The following GRXCR1 variants were observed in gnomAD, a reference collection of about 807,000 sequenced individuals.
The protein encoded by GRXCR1 is glutaredoxin domain-containing cysteine-rich protein 1.
GRXCR1 carries 27 observed loss-of-function variants against 27.3 expected under a neutral mutation model. That is an observed-to-expected ratio of 0.99 (90% CI 0.73 to 1.37). The LOEUF (loss-of-function observed/expected upper bound fraction) is 1.37, where lower values mean the gene tolerates loss of function less well. Ranked by LOEUF, GRXCR1 falls within the 40% of genes most tolerant of loss-of-function variation. The pLI, the probability that GRXCR1 is intolerant of heterozygous loss-of-function variation, is 0.00. For missense variants in GRXCR1, 379 were observed against 354.4 expected (o/e 1.07, Z -0.56); for synonymous variants, 122 against 131.1 (o/e 0.93, Z 0.47).
chr4:42,956,930 C>A (rs967805228), intron 1 of GRXCR1, among the ~76,000 whole-genome samples: 1 of 151,956 alleles, frequency 6.6e-6, no homozygotes, highest in Non-Finnish European at 1.5e-5. Context: ...GGTAAAAGAC[C>A]CAAGATCATT....
At chr4:42,942,605 T>G (rs1382130825) in intron 1 of GRXCR1, among the ~76,000 whole-genome samples, 4 of 152,114 alleles carry the variant, frequency 2.6e-5, no homozygotes, top group Non-Finnish European at 5.9e-5. Flanking sequence ...TGATTTGCAA[T>G]CTGCAGTGTG....
chr4:42,950,116 T>C (rs1292234043), intron 1 of GRXCR1, among the ~76,000 whole-genome samples: 2 of 152,144 alleles, frequency 1.3e-5, no homozygotes, highest in African/African-American at 4.8e-5. Context: ...GTAGATATAA[T>C]ATATAAAATA....
At chr4:42,967,857 A>G (rs1176138030) in intron 2 of GRXCR1, among the ~76,000 whole-genome samples, 1 of 152,136 alleles carries the variant, frequency 6.6e-6, no homozygotes, top group Non-Finnish European at 1.5e-5. Flanking sequence ...AACTGTTTCC[A>G]GTACTGATCA....
chr4:42,997,713 C>G (rs1234399640), intron 2 of GRXCR1, among the ~76,000 whole-genome samples: 1 of 152,180 alleles, frequency 6.6e-6, no homozygotes, highest in Non-Finnish European at 1.5e-5. Flanking sequence ...CTTTCTGTCC[C>G]AGAGCCCACT....
At chr4:42,982,225 T>G (rs1245996962) in intron 2 of GRXCR1, among the ~76,000 whole-genome samples, 4 of 118,572 alleles carry the variant, frequency 3.4e-5, no homozygotes, top group Non-Finnish European at 6.8e-5. Flanking sequence ...CCCACAACAG[T>G]CCCCAGAGTG....
At position 42,967,001 on chromosome 4, in the gene GRXCR1, G is replaced by A. The variant is rs112653996; in HGVS notation, c.627+3867G>A. 4.4e-3 allele frequency among the ~76,000 whole-genome samples: 663 copies of A among 151,420 alleles called. 3 individuals carry two copies. The highest frequency in any genetic ancestry group is 0.012 in the African/African-American group (479 of 41,288). On this transcript the variant is annotated intron_variant, in intron 2 of 3. Coordinates refer to ENST00000399770, the MANE Select transcript of GRXCR1 (RefSeq NM_001080476.3). Reference sequence around the variant, plus strand: ...TCTTAAGTCTGTGGCTTGTCTTTTCGTTCTCTTGACAATGTCTCTTAAGAG... The same window carrying A: ...TCTTAAGTCTGTGGCTTGTCTTTTCATTCTCTTGACAATGTCTCTTAAGAG...
chr4:42,978,448 G>C (rs547754414), intron 2 of GRXCR1, among the ~76,000 whole-genome samples: 1 of 152,000 alleles, frequency 6.6e-6, no homozygotes, highest in African/African-American at 2.4e-5. Flanking sequence ...CAGAATATCT[G>C]TTCATTTATT....
chr4:43,017,939 T>C (rs923623389), intron 2 of GRXCR1, among the ~76,000 whole-genome samples: 8 of 152,202 alleles, frequency 5.3e-5, no homozygotes, highest in African/African-American at 1.9e-4. Flanking sequence ...GCAGGGCAGA[T>C]TGAGATTTAC....
chr4:42,955,507 G>A (rs562013177), intron 1 of GRXCR1, among the ~76,000 whole-genome samples: 1 of 152,134 alleles, frequency 6.6e-6, no homozygotes, highest in African/African-American at 2.4e-5. Flanking sequence ...CTTTGGAATG[G>A]TGCACAACTG....
chr4:42,955,190 G>A (rs951099163), intron 1 of GRXCR1, among the ~76,000 whole-genome samples: 9 of 151,964 alleles, frequency 5.9e-5, no homozygotes, highest in African/African-American at 2.2e-4. Flanking sequence ...GTATTGCTTT[G>A]AGCTAATCAC....
chr4:43,021,441 C>A (rs1713088604), intron 3 of GRXCR1, among the ~76,000 whole-genome samples: 1 of 152,022 alleles, frequency 6.6e-6, no homozygotes, highest in African/African-American at 2.4e-5. Context: ...GACTCATGTC[C>A]CAAATGAACT....
chr4:43,015,463 A>T (rs1348262912), intron 2 of GRXCR1, among the ~76,000 whole-genome samples: 5 of 152,160 alleles, frequency 3.3e-5, no homozygotes, highest in Non-Finnish European at 7.4e-5. Context: ...TTTGAAAACA[A>T]TATTTTTATG....
intron 3 of GRXCR1, among the ~76,000 whole-genome samples, chr4:43,021,397 A>C (rs550466186): frequency 6.6e-6 from 1 of 152,128 alleles, no homozygotes; most frequent in Admixed American, 6.5e-5. Context: ...GGCCTTATAA[A>C]AGTCTTTTTT....
intron 2 of GRXCR1, among the ~76,000 whole-genome samples, chr4:43,010,152 A>G (rs1214099611): frequency 6.6e-6 from 1 of 152,168 alleles, no homozygotes; most frequent in Non-Finnish European, 1.5e-5. Context: ...CTGTAATCCC[A>G]GCACTTTGGG....
At chr4:42,927,829 T>C (rs1183927575) in intron 1 of GRXCR1, among the ~76,000 whole-genome samples, 1 of 151,968 alleles carries the variant, frequency 6.6e-6, no homozygotes, top group Non-Finnish European at 1.5e-5. Context: ...TGTTTTAGGT[T>C]GAGTTCCCTA....
chr4:42,909,518 C>T (rs956461792), intron 1 of GRXCR1, among the ~76,000 whole-genome samples: 3 of 152,126 alleles, frequency 2.0e-5, no homozygotes, highest in Non-Finnish European at 4.4e-5. Flanking sequence ...GGAGCCAGAG[C>T]TCGTCCCTGC....
chr4:42,925,205 T>C (rs1747131577), intron 1 of GRXCR1, among the ~76,000 whole-genome samples: 1 of 151,962 alleles, frequency 6.6e-6, no homozygotes, highest in South Asian at 2.1e-4. Flanking sequence ...CCCCTTTAAC[T>C]AGGACCAAGA....
chr4:43,028,382 A>G (rs912041250), intron 3 of GRXCR1, among the ~76,000 whole-genome samples: 1 of 152,190 alleles, frequency 6.6e-6, no homozygotes, highest in African/African-American at 2.4e-5. Flanking sequence ...CTGTATTTTT[A>G]TTTGCAAAAT....
At chr4:43,011,041 A>G (rs576713483) in intron 2 of GRXCR1, among the ~76,000 whole-genome samples, 1 of 152,198 alleles carries the variant, frequency 6.6e-6, no homozygotes, top group South Asian at 2.1e-4. Context: ...TCAAACCTGA[A>G]TGTTGCAGCC....
Sources: gnomAD v4.1 joint callset for allele counts (sites outside exome capture counted in the v4.1 genomes callset) on GRCh38, gnomAD v4.1.1 for gene constraint, MANE v1.5 for transcripts, NCBI Gene and HGNC (gene_info 2026-07-23, HGNC 2026-07-21) for gene names.